HKDC1: variants seen among roughly 807,000 people sequenced by gnomAD.
HKDC1 encodes hexokinase HKDC1.
Under a neutral mutation model 96.6 loss-of-function variants are expected in HKDC1, and 66 were observed. The ratio of observed to expected loss-of-function variants is 0.68; its 90% CI spans 0.56 to 0.84. HKDC1 has a LOEUF of 0.84. Ranked by LOEUF, HKDC1 falls within the 40% of genes least tolerant of loss-of-function variation. HKDC1 has a pLI of 0.00. For synonymous variants in HKDC1, 466 were observed against 473.1 expected (o/e 0.98, Z 0.20); for missense variants, 1,211 against 1,208.1 (o/e 1.00, Z -0.04).
chr10:69,232,533 T>G, intron 2 of HKDC1: 1 of 554,672 alleles, frequency 1.8e-6, no homozygotes. Context: ...CATGAGCCAG[T>G]GGGTTGGGCT....
chr10:69,237,073 A>T (rs1843373416), intron 4 of HKDC1, among the ~76,000 whole-genome samples: 1 of 152,058 alleles, frequency 6.6e-6, no homozygotes, highest in African/African-American at 2.4e-5. Flanking sequence ...CTGCAGAGGG[A>T]TGGAAAGGGG....
chr10:69,243,951 G>A (rs751237419), intron 7 of HKDC1, among the ~76,000 whole-genome samples: 1 of 152,176 alleles, frequency 6.6e-6, no homozygotes, highest in Non-Finnish European at 1.5e-5. Flanking sequence ...GTATGTGCAT[G>A]ATAGGCACTG....
In HKDC1 at chr10:69,258,975, G is replaced by C. The variant is rs369716135; in HGVS notation, c.2216+16G>C. The C allele has an allele frequency of 6.5e-7, 1 of 1,531,756 alleles. No individual in the cohort carries two copies. Among genetic ancestry groups the C allele is most frequent in the Non-Finnish European group, 8.8e-7 (1 of 1,142,344 alleles). 94.9% of individuals were successfully genotyped at this position (1,531,756 alleles called of 1,614,324 possible). On this transcript the variant is annotated intron_variant, in intron 15 of 17. Transcript: ENST00000354624. ...GCAAGCAGAGGTGAAGAGGGTGGATGTGTGCATTTATGTGGGTTGTGTAGT... is the reference window on the plus strand; with the variant it reads ...GCAAGCAGAGGTGAAGAGGGTGGATCTGTGCATTTATGTGGGTTGTGTAGT...
At position 69,220,367 on chromosome 10, in the gene HKDC1, C is replaced by T; in HGVS notation, c.-69C>T. 1 of 1,273,270 alleles carries T rather than the reference C, an allele frequency of 7.9e-7. No individual in the cohort carries two copies. The highest frequency in any genetic ancestry group is 1.1e-6 in the Non-Finnish European group (1 of 922,054). The allele number at this position is 1,273,270 out of a possible 1,614,324, so 78.9% of individuals were successfully genotyped here. A position where few individuals can be genotyped will look rare whatever the true frequency, so the allele number is the denominator to read the frequency against. On this transcript the variant is annotated 5_prime_UTR_variant, in exon 1 of 18. Coordinates refer to ENST00000354624, the MANE Select transcript of HKDC1 (RefSeq NM_025130.4). ...GCCTGGACTGGAAGCGTGCAACACT[C>T]CAGAGTCGTAGGAGTGAACACTGCA...
intron 12 of HKDC1, among the ~76,000 whole-genome samples, chr10:69,251,991 C>T (rs1474486017): frequency 1.3e-5 from 2 of 152,046 alleles, no homozygotes; most frequent in Non-Finnish European, 2.9e-5. Flanking sequence ...AACTCCTGAC[C>T]TCAGGTAATT....
At chr10:69,248,103 G>A (rs1344626798) in intron 9 of HKDC1, among the ~76,000 whole-genome samples, 1 of 152,196 alleles carries the variant, frequency 6.6e-6, no homozygotes, top group Non-Finnish European at 1.5e-5. Flanking sequence ...TGGAAGTCAA[G>A]TGGTTACACC....
intron 12 of HKDC1, among the ~76,000 whole-genome samples, chr10:69,254,842 G>A (rs995923937): frequency 6.6e-6 from 1 of 152,158 alleles, no homozygotes; most frequent in Non-Finnish European, 1.5e-5. Context: ...ATAAGAAATG[G>A]TGGGAAAAAG....
chr10:69,220,548 C>T (rs765740525), intron 1 of HKDC1, 50 bp downstream of exon 1: 2 of 1,318,604 alleles, frequency 1.5e-6, no homozygotes, highest in South Asian at 2.8e-5. Context: ...TCTTCACGGA[C>T]AAAACTGATT....
At chr10:69,262,030 G>T in intron 16 of HKDC1, 1 of 405,794 alleles carries the variant, frequency 2.5e-6, no homozygotes. Context: ...GTGGCATTGA[G>T]TTGTCTGTCT....
intron 4 of HKDC1, among the ~76,000 whole-genome samples, chr10:69,238,245 G>A (rs10762269): frequency 0.58 from 88,876 of 152,052 alleles, 26,399 homozygotes; most frequent in East Asian, 0.76. Flanking sequence ...TGCCTGGTTG[G>A]GAATCATTTT....
At position 69,243,266 on chromosome 10, in the gene HKDC1, C is replaced by G. The variant is rs778603677; in HGVS notation, c.776C>G (p.Thr259Arg). 6.2e-7 allele frequency: 1 copy of G among 1,614,148 alleles called. No homozygotes were observed. Among genetic ancestry groups the G allele is most frequent in the Admixed American group, 1.7e-5 (1 of 60,016 alleles). The change falls in exon 7 of 18, where the codon ACA (threonine) becomes AGA (arginine). Residue 259 changes from threonine to arginine, a missense_variant. By Grantham distance (71) the Thr-to-Arg change is moderately conservative. Transcript: ENST00000354624. ...EGDEGRMCIN[T>R]EWGAFGDDGA... ...GACGAGGGCAGGATGTGCATCAACA[C>G]AGAGTGGGGGGCCTTCGGGGACGAC...
chr10:69,265,263 C>A (rs1185215412), intron 16 of HKDC1: 2 of 315,154 alleles, frequency 6.3e-6, no homozygotes, highest in Non-Finnish European at 1.2e-5. Context: ...GCAGGCTGAG[C>A]CACAGCCTCC....
In HKDC1 at chr10:69,243,406, C is replaced by T. The variant is rs1239610042; in HGVS notation, c.875+41C>T. On this transcript the variant is annotated intron_variant, in intron 7 of 17. Transcript: ENST00000354624. ...GTGTTATCTGGGCATCGGCACCAGG[C>T]AGTGCCTAATCACTCAGGTCCCCTG... is the stretch of plus-strand genomic sequence containing the variant. 5 of 1,502,954 alleles carry T rather than the reference C, an allele frequency of 3.3e-6. No homozygotes were observed. The East Asian group carries it at 9.7e-5, about 29-fold the overall frequency. 93.1% of individuals were successfully genotyped at this position (1,502,954 alleles called of 1,614,324 possible). A position where few individuals can be genotyped will look rare whatever the true frequency, so the allele number is the denominator to read the frequency against.
At chr10:69,229,770 A>G (rs1170510503) in intron 2 of HKDC1, among the ~76,000 whole-genome samples, 1 of 152,094 alleles carries the variant, frequency 6.6e-6, no homozygotes, top group South Asian at 2.1e-4. Context: ...AGAGCCTCTC[A>G]CCACACAAAG....
intron 12 of HKDC1, among the ~76,000 whole-genome samples, chr10:69,253,448 AAC>A (rs1490023779): frequency 6.6e-6 from 1 of 152,174 alleles, no homozygotes; most frequent in African/African-American, 2.4e-5. Context: ...AAGGTCAGAA[AAC>A]ACAGTGTTCG....
intron 16 of HKDC1, among the ~76,000 whole-genome samples, chr10:69,264,144 T>A (rs775138487): frequency 1.3e-5 from 2 of 150,882 alleles, no homozygotes; most frequent in Non-Finnish European, 2.9e-5. Flanking sequence ...AAACTCCGCC[T>A]CAAAAAGAAG....
intron 4 of HKDC1, among the ~76,000 whole-genome samples, chr10:69,236,774 T>A (rs1843368304): frequency 1.7e-5 from 2 of 114,642 alleles, no homozygotes; most frequent in Non-Finnish European, 3.4e-5. Flanking sequence ...GAGTGAAACT[T>A]CGTTTCAAAA....
intron 9 of HKDC1, 88 bp downstream of exon 9, chr10:69,247,681 G>A (rs1312791884): frequency 1.9e-6 from 2 of 1,033,332 alleles, no homozygotes; most frequent in Middle Eastern, 2.7e-4. Flanking sequence ...GCCTATCTGG[G>A]GTCTGGAACC....
chr10:69,228,873 A>C (rs1843203152), intron 2 of HKDC1, among the ~76,000 whole-genome samples: 1 of 151,302 alleles, frequency 6.6e-6, no homozygotes, highest in Non-Finnish European at 1.5e-5. Context: ...CAAAAAAGAA[A>C]GAAAGAAAGG....
Sources: gnomAD v4.1 joint callset for allele counts (sites outside exome capture counted in the v4.1 genomes callset) on GRCh38, gnomAD v4.1.1 for gene constraint, MANE v1.5 for transcripts, NCBI Gene and HGNC (gene_info 2026-07-23, HGNC 2026-07-21) for gene names.